NBAS: variants seen among roughly 807,000 people sequenced by gnomAD.
The protein encoded by NBAS is NAG/BC035112 fusion.
Under a neutral mutation model 302.5 loss-of-function variants are expected in NBAS, and 219 were observed. The observed-to-expected ratio is 0.72, with a 90% CI of 0.65 to 0.81. The LOEUF (loss-of-function observed/expected upper bound fraction) is 0.81, where lower values mean the gene tolerates loss of function less well. Among genes scored for constraint, NBAS ranks in the 30% least tolerant of loss-of-function variants. NBAS has a pLI of 0.00. For missense variants in NBAS, 2,932 were observed against 2,841.6 expected, an observed-to-expected ratio of 1.03 and a Z score of -0.72; for synonymous variants, 1,118 against 1,021.6, an observed-to-expected ratio of 1.09 and a Z score of -1.80.
chr2:14,811,487 T>C, the NBAS span, among the ~76,000 whole-genome samples: 2 of 152,198 alleles, frequency 1.3e-5, no homozygotes, highest in African/African-American at 4.8e-5. Context: ...TGCCTCTCCA[T>C]TCCAAAGGAT....
chr2:15,108,820 G>T, the NBAS span, among the ~76,000 whole-genome samples: 1 of 151,986 alleles, frequency 6.6e-6, no homozygotes, highest in African/African-American at 2.4e-5. Context: ...GGGTTTTTAC[G>T]TCTTATCATC....
chr2:14,837,248 T>C, the NBAS span, among the ~76,000 whole-genome samples: 125 of 152,012 alleles, frequency 8.2e-4, no homozygotes, highest in African/African-American at 2.7e-3. Flanking sequence ...TGGAAAATCT[T>C]TGTAGTAGAT....
Position 15,167,177 on chromosome 2 carries a change from C to T in NBAS, c.6987G>A (p.Glu2329=), listed in dbSNP as rs764206961. Residue 2329 remains glutamate (E), a synonymous_variant, in exon 52 of 52, where the codon GAG becomes GAA. Transcript: ENST00000281513. ...CGGCCTCCCGCAGGTGTCTGCCCAG[C>T]TCCTCTGCATCCCAGCGCCCTTGCT... ...SLQQGRWDAE[E]LGRHLREAGH... is the part of the protein sequence containing the mutation. The T allele has an allele frequency of 6.2e-7, 1 of 1,614,144 alleles. No homozygotes were observed. The highest frequency in any genetic ancestry group is 1.3e-5 in the African/African-American group (1 of 74,952).
intron 22 of NBAS, among the ~76,000 whole-genome samples, chr2:15,425,811 G>C (rs1446472508): frequency 1.3e-5 from 2 of 152,222 alleles, no homozygotes; most frequent in East Asian, 3.9e-4. Context: ...CTTCAGTTCT[G>C]CATATTTATT....
chr2:15,023,123 T>G, the NBAS span, among the ~76,000 whole-genome samples: 21 of 152,248 alleles, frequency 1.4e-4, no homozygotes, highest in African/African-American at 5.1e-4. Flanking sequence ...TGTATGCATA[T>G]AGGATGCATT....
At chr2:14,803,402 G>A in the NBAS span, among the ~76,000 whole-genome samples, 164 of 152,238 alleles carry the variant, frequency 1.1e-3, 3 homozygotes, top group East Asian at 0.028. Flanking sequence ...ATTTTCTGTG[G>A]TAATTTGCCT....
chr2:15,274,849 CCGTTT>C (rs1669494798), intron 44 of NBAS, among the ~76,000 whole-genome samples: 1 of 152,084 alleles, frequency 6.6e-6, no homozygotes, highest in South Asian at 2.1e-4. Context: ...ACTCCAACCT[CCGTTT>C]CGTAGGTTCA....
At position 15,474,143 on chromosome 2, in the gene NBAS, C is replaced by T. The variant is rs139067269; in HGVS notation, c.1523G>A (p.Arg508His). ...EMERFAPPRKRPRTITKNYRL... is the reference protein window; with the variant it reads ...EMERFAPPRKHPRTITKNYRL... ...GTAGTTTTTAGTAATGGTTCGTGGG[C>T]GTTTCCGTGGTGGTGCAAATCGCTC... The change falls in exon 15 of 52, where the codon CGC becomes CAC. Residue 508 changes from arginine (R) to histidine (H), a missense_variant. Arg to His is a conservative substitution (Grantham distance 29, BLOSUM62 0). Transcript: ENST00000281513. 2.1e-5 allele frequency: 34 copies of T among 1,613,980 alleles called. No homozygotes were observed. Among genetic ancestry groups the T allele is most frequent in the African/African-American group, 1.2e-4 (9 of 74,894 alleles).
chr2:15,055,308 A>G, the NBAS span, among the ~76,000 whole-genome samples: 3 of 152,226 alleles, frequency 2.0e-5, no homozygotes, highest in Non-Finnish European at 4.4e-5. Context: ...AGACTGAGAT[A>G]AGAACACCAG....
At chr2:15,417,144 A>G (rs575763279) in intron 24 of NBAS, among the ~76,000 whole-genome samples, 1 of 152,334 alleles carries the variant, frequency 6.6e-6, no homozygotes, top group Non-Finnish European at 1.5e-5. Flanking sequence ...GTTTTCTTCA[A>G]ACAACCACCC....
intron 35 of NBAS, among the ~76,000 whole-genome samples, chr2:15,337,765 A>C (rs908923471): frequency 6.6e-6 from 1 of 152,214 alleles, no homozygotes; most frequent in Non-Finnish European, 1.5e-5. Context: ...GGGGCAGTCT[A>C]CCAAGATCAT....
the NBAS span, among the ~76,000 whole-genome samples, chr2:14,882,930 A>AGTTCT: frequency 2.6e-5 from 4 of 152,268 alleles, no homozygotes; most frequent in Non-Finnish European, 5.9e-5. Context: ...GCCTATCCAC[A>AGTTCT]GTTCTGTTCT....
At chr2:15,203,035 A>G (rs533024585) in intron 48 of NBAS, among the ~76,000 whole-genome samples, 1 of 152,214 alleles carries the variant, frequency 6.6e-6, no homozygotes, top group African/African-American at 2.4e-5. Flanking sequence ...TCTTAGCCTC[A>G]GTGCTTTCAT....
At chr2:15,189,143 A>T (rs563208907) in intron 49 of NBAS, among the ~76,000 whole-genome samples, 76 of 152,332 alleles carry the variant, frequency 5.0e-4, no homozygotes, top group African/African-American at 1.6e-3. Context: ...GAGAGCCTGC[A>T]CTGTGGATTT....
At chr2:14,784,888 G>C in the NBAS span, among the ~76,000 whole-genome samples, 1 of 152,158 alleles carries the variant, frequency 6.6e-6, no homozygotes, top group African/African-American at 2.4e-5. Context: ...GGATGGCATT[G>C]AATCTATAAA....
chr2:14,978,205 T>C, the NBAS span, among the ~76,000 whole-genome samples: 1 of 152,212 alleles, frequency 6.6e-6, no homozygotes, highest in Non-Finnish European at 1.5e-5. Context: ...CTTTCCCTGG[T>C]TCTTCCAAGA....
the NBAS span, among the ~76,000 whole-genome samples, chr2:15,029,283 A>G: frequency 6.6e-6 from 1 of 152,232 alleles, no homozygotes; most frequent in Admixed American, 6.5e-5. Flanking sequence ...ATGCAGCTAC[A>G]AATTCTAATC....
chr2:15,426,565 T>C (rs1162031478), intron 22 of NBAS, among the ~76,000 whole-genome samples: 1 of 152,226 alleles, frequency 6.6e-6, no homozygotes, highest in Non-Finnish European at 1.5e-5. Context: ...TTCTAATTTT[T>C]ATGTACCAAC....
chr2:14,970,528 A>G, the NBAS span, among the ~76,000 whole-genome samples: 2 of 152,220 alleles, frequency 1.3e-5, no homozygotes, highest in Non-Finnish European at 2.9e-5. Flanking sequence ...TTAAAACATC[A>G]AGAAAGAAAC....
Sources: allele counts gnomAD v4.1 joint callset (sites outside exome capture counted in the v4.1 genomes callset), GRCh38; gene constraint gnomAD v4.1.1; transcripts MANE v1.5; gene names NCBI Gene and HGNC (gene_info 2026-07-23, HGNC 2026-07-21).